The following GTF2F2 variants were observed in gnomAD, a reference collection of about 807,000 sequenced individuals.
GTF2F2 encodes general transcription factor IIF subunit 2.
Under a neutral mutation model 42.2 loss-of-function variants are expected in GTF2F2, and 23 were observed. The observed-to-expected ratio is 0.55, with a 90% CI of 0.39 to 0.77. The LOEUF is 0.77. Among genes scored for constraint, GTF2F2 ranks in the 30% least tolerant of loss-of-function variants. The pLI, the probability that GTF2F2 is intolerant of heterozygous loss-of-function variation, is 0.00. For synonymous variants in GTF2F2, 105 were observed against 100.8 expected (o/e 1.04, Z -0.25); for missense variants, 261 against 287.2 (o/e 0.91, Z 0.66).
At chr13:45,170,202 G>GT (rs1871522787) in intron 4 of GTF2F2, among the ~76,000 whole-genome samples, 2 of 152,022 alleles carry the variant, frequency 1.3e-5, no homozygotes, top group South Asian at 2.1e-4. Flanking sequence ...TTTTTAAAAT[G>GT]TTTTTTGTAG....
intron 4 of GTF2F2, among the ~76,000 whole-genome samples, chr13:45,205,333 G>T (rs1873369485): frequency 6.6e-6 from 1 of 152,130 alleles, no homozygotes; most frequent in Admixed American, 6.5e-5. Flanking sequence ...ATTATCACGA[G>T]AACAGCATAG....
At chr13:45,278,674 A>G (rs921227870) in intron 7 of GTF2F2, among the ~76,000 whole-genome samples, 2 of 152,018 alleles carry the variant, frequency 1.3e-5, no homozygotes, top group Non-Finnish European at 2.9e-5. Flanking sequence ...TTCAAATCGA[A>G]TGATCAAATA....
chr13:45,252,088 A>G (rs1006134900), intron 5 of GTF2F2, among the ~76,000 whole-genome samples: 16 of 152,198 alleles, frequency 1.1e-4, no homozygotes, highest in Non-Finnish European at 2.2e-4. Context: ...CTAGTCAGCT[A>G]TTGTTTTATA....
At chr13:45,131,830 A>G (rs1229950765) in intron 1 of GTF2F2, among the ~76,000 whole-genome samples, 4 of 147,712 alleles carry the variant, frequency 2.7e-5, no homozygotes, top group Non-Finnish European at 6.0e-5. Context: ...GTTGGAGCCC[A>G]GGAAGTGGAG....
At chr13:45,171,496 A>G (rs1005936336) in intron 4 of GTF2F2, among the ~76,000 whole-genome samples, 3 of 152,210 alleles carry the variant, frequency 2.0e-5, no homozygotes, top group East Asian at 1.9e-4. Flanking sequence ...AAGGATCCCT[A>G]TTGAAACACT....
At chr13:45,240,794 C>T (rs1473161861) in intron 5 of GTF2F2, among the ~76,000 whole-genome samples, 2 of 151,890 alleles carry the variant, frequency 1.3e-5, no homozygotes, top group East Asian at 1.9e-4. Context: ...CACCGTTGTA[C>T]TCCAGCCTGG....
intron 3 of GTF2F2, among the ~76,000 whole-genome samples, chr13:45,150,593 A>ATTT (rs1434554058): frequency 6.6e-6 from 1 of 151,452 alleles, no homozygotes; most frequent in South Asian, 2.1e-4. Context: ...GATCTTAAAG[A>ATTT]TATAAAAGAT....
chr13:45,246,082 C>A (rs1383706748), intron 5 of GTF2F2, among the ~76,000 whole-genome samples: 2 of 151,128 alleles, frequency 1.3e-5, no homozygotes, highest in Non-Finnish European at 2.9e-5. Flanking sequence ...GATCTCAGCT[C>A]ACTGCAAGCT....
At chr13:45,233,338 T>G (rs1286821385) in intron 5 of GTF2F2, among the ~76,000 whole-genome samples, 2 of 152,238 alleles carry the variant, frequency 1.3e-5, no homozygotes, top group Non-Finnish European at 2.9e-5. Flanking sequence ...CTCATTTTGA[T>G]CTGTATAAAA....
At chr13:45,236,033 G>C (rs1593508888) in intron 5 of GTF2F2, among the ~76,000 whole-genome samples, 2 of 152,324 alleles carry the variant, frequency 1.3e-5, no homozygotes, top group East Asian at 3.9e-4. Flanking sequence ...TCTTGTGCCT[G>C]ATGCCACTAT....
intron 6 of GTF2F2, among the ~76,000 whole-genome samples, chr13:45,255,616 T>C (rs761558798): frequency 6.6e-6 from 1 of 152,254 alleles, no homozygotes. Flanking sequence ...TTCTCTTCCA[T>C]TGTAGTCTTT....
At chr13:45,274,089 CCTT>C (rs1312211541) in intron 7 of GTF2F2, among the ~76,000 whole-genome samples, 3 of 152,090 alleles carry the variant, frequency 2.0e-5, no homozygotes, top group African/African-American at 7.2e-5. Flanking sequence ...CCAGCACTGG[CCTT>C]CTTCACTTCG....
chr13:45,143,128 T>A (rs1031158904), intron 2 of GTF2F2, among the ~76,000 whole-genome samples: 3 of 152,146 alleles, frequency 2.0e-5, no homozygotes, highest in African/African-American at 4.8e-5. Flanking sequence ...ATAAGGAACA[T>A]TTGAAAGTCT....
chr13:45,136,740 A>T lies in GTF2F2; in HGVS notation c.74A>T (p.Lys25Ile). ...NTGVWLVKVP[K>I]YLSQQWAKAS... ...TGTTTTACTTTGTTTTAGGTTCCTAAATATTTGTCACAGCAATGGGCTAAA... is the reference window on the plus strand; with the variant it reads ...TGTTTTACTTTGTTTTAGGTTCCTATATATTTGTCACAGCAATGGGCTAAA... Residue 25 changes from lysine to isoleucine, a missense_variant, in exon 2 of 8, where the codon AAA becomes ATA. By Grantham distance (102) the Lys-to-Ile change is moderately radical (BLOSUM62 -3). Coordinates refer to ENST00000340473, the MANE Select transcript of GTF2F2 (RefSeq NM_004128.3). 6.3e-7 allele frequency: 1 copy of T among 1,577,564 alleles called. No homozygotes were observed. The highest frequency in any genetic ancestry group is 8.7e-7 in the Non-Finnish European group (1 of 1,150,210).
intron 5 of GTF2F2, among the ~76,000 whole-genome samples, chr13:45,239,721 G>T (rs1289320801): frequency 6.6e-6 from 1 of 152,104 alleles, no homozygotes; most frequent in East Asian, 1.9e-4. Context: ...TATTTTTATG[G>T]CATATAATGG....
intron 1 of GTF2F2, among the ~76,000 whole-genome samples, chr13:45,122,353 G>C (rs189125031): frequency 6.6e-6 from 1 of 152,030 alleles, no homozygotes; most frequent in Non-Finnish European, 1.5e-5. Context: ...TCACAGGATC[G>C]GGCTGGGCAT....
At chr13:45,198,757 G>A (rs1047739320) in intron 4 of GTF2F2, among the ~76,000 whole-genome samples, 9 of 151,522 alleles carry the variant, frequency 5.9e-5, no homozygotes, top group Admixed American at 2.0e-4. Flanking sequence ...CCTTTCACAA[G>A]CTGAGTTTCT....
At chr13:45,167,396 A>ATTT (rs761750778) in intron 4 of GTF2F2, among the ~76,000 whole-genome samples, 1,497 of 104,222 alleles carry the variant, frequency 0.014, 38 homozygotes, top group African/African-American at 0.039. Flanking sequence ...TCACCCAGCT[A>ATTT]TTTTTTTTTT....
intron 4 of GTF2F2, among the ~76,000 whole-genome samples, chr13:45,184,102 C>T (rs779565919): frequency 1.3e-5 from 2 of 151,924 alleles, no homozygotes; most frequent in Admixed American, 6.6e-5. Flanking sequence ...GTGATCTGCC[C>T]GCCTCAACCT....
Sources: gnomAD v4.1 joint callset for allele counts (sites outside exome capture counted in the v4.1 genomes callset) on GRCh38, gnomAD v4.1.1 for gene constraint, MANE v1.5 for transcripts, NCBI Gene and HGNC (gene_info 2026-07-23, HGNC 2026-07-21) for gene names.